Variants in SYNPO observed in about 807,000 individuals in gnomAD.
The protein encoded by SYNPO is synaptopodin.
Under a neutral mutation model 49.5 loss-of-function variants are expected in SYNPO, and 19 were observed. That is an observed-to-expected ratio of 0.38 (90% CI 0.27 to 0.56). SYNPO has a LOEUF of 0.56. SYNPO is among the 20% of genes least tolerant of loss of function. The pLI, the probability that SYNPO is intolerant of heterozygous loss-of-function variation, is 0.68. For synonymous variants in SYNPO, 536 were observed against 548.0 expected (o/e 0.98, Z 0.31); for missense variants, 1,131 against 1,248.3 (o/e 0.91, Z 1.42).
At chr5:150,624,018 C>T (rs76748188) in intron 2 of SYNPO, among the ~76,000 whole-genome samples, 1 of 152,214 alleles carries the variant, frequency 6.6e-6, no homozygotes, top group Non-Finnish European at 1.5e-5. Flanking sequence ...CAGCATCCCA[C>T]GTGACTCTGA....
At chr5:150,644,375 G>A (rs1318070823) in intron 1 of SYNPO, among the ~76,000 whole-genome samples, 1 of 152,178 alleles carries the variant, frequency 6.6e-6, no homozygotes, top group African/African-American at 2.4e-5. Flanking sequence ...CTGAGATTCC[G>A]AGGTTCTGTG....
At chr5:150,618,211 C>T (rs1281032842) in exon 2 of SYNPO, 3 of 914,952 alleles carry the variant, frequency 3.3e-6, no homozygotes, top group Non-Finnish European at 4.8e-6. Context: ...CAGACCTCAC[C>T]CCAATTCTGT....
At chr5:150,604,217 AG>A (rs1318233288) in intron 1 of SYNPO, among the ~76,000 whole-genome samples, 1 of 152,244 alleles carries the variant, frequency 6.6e-6, no homozygotes, top group Non-Finnish European at 1.5e-5. Context: ...ACGGTTATAG[AG>A]AGATCTGCCT....
the SYNPO span, among the ~76,000 whole-genome samples, chr5:150,593,058 A>G: frequency 5.9e-5 from 9 of 152,230 alleles, no homozygotes; most frequent in Non-Finnish European, 1.3e-4. Flanking sequence ...CTGTCCCGGG[A>G]CAGTCCTTCA....
chr5:150,637,997 C>T (rs940119644), upstream of SYNPO, among the ~76,000 whole-genome samples: 1 of 152,142 alleles, frequency 6.6e-6, no homozygotes, highest in Non-Finnish European at 1.5e-5. Flanking sequence ...GCCTAGCCCT[C>T]CCCATTCACC....
intron 2 of SYNPO, among the ~76,000 whole-genome samples, chr5:150,634,764 G>A (rs1757651479): frequency 6.6e-6 from 1 of 151,766 alleles, no homozygotes; most frequent in Admixed American, 6.6e-5. Context: ...ACTGCCATGA[G>A]CTGTAATTGC....
In SYNPO at chr5:150,625,969, G is replaced by C. The variant is rs548677079; in HGVS notation, c.400+7202G>C. Among the ~76,000 whole-genome samples, 14 of 152,348 alleles carry C rather than the reference G, an allele frequency of 9.2e-5. No homozygotes were observed. The East Asian group carries it at 2.3e-3, about 25-fold the overall frequency. ...GGCCTCCGGTGAGAGGGTTTGGCAGGGTAGCCCCTGAGGGGGAAATTGCAC... is the reference window on the plus strand; with the variant it reads ...GGCCTCCGGTGAGAGGGTTTGGCAGCGTAGCCCCTGAGGGGGAAATTGCAC... On this transcript the variant is annotated intron_variant, in intron 2 of 2. Coordinates refer to the SYNPO transcript ENST00000394243.
intron 1 of SYNPO, chr5:150,615,189 G>A (rs958180684): frequency 1.3e-5 from 2 of 152,224 alleles, no homozygotes; most frequent in South Asian, 4.1e-4. Context: ...ACTGGGTTGG[G>A]AGTCCTCCTT....
rs1309821667 is a variant in SYNPO at position 150,648,573 on chromosome 5, C to A, written c.298C>A (p.Pro100Thr). 5 of 1,614,196 alleles carry A rather than the reference C, an allele frequency of 3.1e-6. No homozygotes were observed. The highest frequency in any genetic ancestry group is 3.3e-4 in the Middle Eastern group (2 of 6,062). The change falls in exon 2 of 3, where the codon CCA becomes ACA. Residue 100 changes from proline to threonine, a missense_variant. By Grantham distance (38) the Pro-to-Thr change is conservative (BLOSUM62 -1). Transcript: ENST00000307662. The surrounding 1 kb of genome is among the most constrained non-coding windows in gnomAD (Gnocchi z 5.0). ...NPPATDVNQN[P>T]PATVVPQSLP... is the part of the protein sequence containing the mutation. The stretch of plus-strand genomic sequence containing the variant: ...GCCAGCCACCGATGTCAATCAGAAC[C>A]CACCGGCAACTGTTGTCCCACAGAG...
intron 1 of SYNPO, among the ~76,000 whole-genome samples, chr5:150,601,383 T>C (rs1756536111): frequency 6.6e-6 from 1 of 151,790 alleles, no homozygotes; most frequent in Admixed American, 6.6e-5. Flanking sequence ...ACCACATGTG[T>C]CTCCCAGGCA....
intron 1 of SYNPO, among the ~76,000 whole-genome samples, chr5:150,647,418 C>A (rs1176205895): frequency 1.3e-5 from 2 of 152,196 alleles, no homozygotes; most frequent in Non-Finnish European, 2.9e-5. Flanking sequence ...AGGGGACATT[C>A]CAGCTGAGAC....
At chr5:150,639,143 C>A (rs932093317), upstream of SYNPO, among the ~76,000 whole-genome samples, 5 of 152,238 alleles carry the variant, frequency 3.3e-5, no homozygotes, top group Non-Finnish European at 5.9e-5. Context: ...TTTGGCAGGG[C>A]CCTGGTCAGC....
chr5:150,589,556 G>A, the SYNPO span, among the ~76,000 whole-genome samples: 1 of 152,174 alleles, frequency 6.6e-6, no homozygotes, highest in African/African-American at 2.4e-5. Context: ...TTGAGCATGT[G>A]GGCTGGTGTG....
chr5:150,634,542 G>C (rs556909389), intron 2 of SYNPO, among the ~76,000 whole-genome samples: 1 of 152,214 alleles, frequency 6.6e-6, no homozygotes, highest in Admixed American at 6.5e-5. Context: ...CATTTGACTG[G>C]GCACAGTGGC....
At chr5:150,651,486 G>A (rs1758385232) in intron 2 of SYNPO, 1 of 1,000,852 alleles carries the variant, frequency 1.0e-6, no homozygotes, top group Non-Finnish European at 1.2e-6. Context: ...AAAGAGAAAG[G>A]AAATGGGCTA....
At chr5:150,651,966 T>G in intron 2 of SYNPO, 1 of 1,000,466 alleles carries the variant, frequency 1.0e-6, no homozygotes, top group Non-Finnish European at 1.2e-6. Context: ...GACCACCCAC[T>G]TCTCTTTCCC....
upstream of SYNPO, among the ~76,000 whole-genome samples, chr5:150,637,514 C>A (rs1366769716): frequency 2.0e-5 from 3 of 152,184 alleles, no homozygotes; most frequent in African/African-American, 7.2e-5. Context: ...ACACGGTGAC[C>A]ACCTGCCACG....
chr5:150,644,519 G>A (rs2151413651), intron 1 of SYNPO, among the ~76,000 whole-genome samples: 1 of 152,298 alleles, frequency 6.6e-6, no homozygotes, highest in African/African-American at 2.4e-5. Flanking sequence ...GCCAGCTTAT[G>A]CCAGGATAGC....
intron 2 of SYNPO, among the ~76,000 whole-genome samples, chr5:150,625,451 GC>G (rs1757324840): frequency 6.6e-6 from 1 of 152,194 alleles, no homozygotes; most frequent in African/African-American, 2.4e-5. Flanking sequence ...TGCCGGTGGG[GC>G]ACACAGGATG....
Sources: allele counts gnomAD v4.1 joint callset (sites outside exome capture counted in the v4.1 genomes callset), GRCh38; gene constraint gnomAD v4.1.1; non-coding constraint Gnocchi (gnomAD v3.1); transcripts MANE v1.5; gene names NCBI Gene and HGNC (gene_info 2026-07-23, HGNC 2026-07-21).